The following SRC variants were observed in gnomAD, a reference collection of about 807,000 sequenced individuals.
SRC encodes the protein SRC proto-oncogene, non-receptor tyrosine kinase.
SRC carries 13 observed loss-of-function variants against 62.9 expected under a neutral mutation model. The observed-to-expected ratio is 0.21, with a 90% CI of 0.13 to 0.33. The LOEUF (loss-of-function observed/expected upper bound fraction) is 0.33. Ranked by LOEUF, SRC falls within the 10% of genes least tolerant of loss-of-function variation. The pLI is 1.00. For synonymous variants in SRC, 302 were observed against 317.5 expected (o/e 0.95, Z 0.52); for missense variants, 457 against 737.3 (o/e 0.62, Z 4.40).
At chr20:37,373,378 A>ATATATACG (rs2070220123) in intron 2 of SRC, among the ~76,000 whole-genome samples, 1 of 147,358 alleles carries the variant, frequency 6.8e-6, no homozygotes, top group Non-Finnish European at 1.5e-5. Flanking sequence ...ACATATATGT[A>ATATATACG]CATTATACAC....
Position 37,351,172 on chromosome 20 carries a change from TC to T in SRC, c.-247+4922del, listed in dbSNP as rs1164475274. Among the ~76,000 whole-genome samples the T allele has an allele frequency of 1.3e-5, 2 of 152,158 alleles. No homozygotes were observed. Among genetic ancestry groups the T allele is most frequent in the Non-Finnish European group, 2.9e-5 (2 of 68,032 alleles). On this transcript the variant is annotated intron_variant, in intron 1 of 13. Transcript: ENST00000373578. This position sits in a 1 kb window ranked among gnomAD's most constrained non-coding sequence, Gnocchi z 4.4. Reference sequence around the variant, plus strand: ...CTCTGGGTCCTTGGGCAAGTGACTTTCCCCCAACTTTGGTCCATTTGGTCCT... The same window carrying T: ...CTCTGGGTCCTTGGGCAAGTGACTTTCCCCAACTTTGGTCCATTTGGTCCT...
At chr20:37,361,096 C>T (rs1384287893) in intron 1 of SRC, among the ~76,000 whole-genome samples, 2 of 149,942 alleles carry the variant, frequency 1.3e-5, no homozygotes, top group Non-Finnish European at 3.0e-5. Context: ...CACTGTAGTT[C>T]ATGGTGGGGC....
chr20:37,403,147 C>G lies in SRC; in HGVS notation c.1403-24C>G. ...CCACTTTCCTCACCGGAGCCGGGCTCCCCATGCCTCGCTCTGCCCACAGGG... is the reference window on the plus strand; with the variant it reads ...CCACTTTCCTCACCGGAGCCGGGCTGCCCATGCCTCGCTCTGCCCACAGGG... On this transcript the variant is annotated intron_variant, in intron 13 of 13. Transcript: ENST00000373578. The surrounding 1 kb of genome is among the most constrained non-coding windows in gnomAD (Gnocchi z 7.1). 6.6e-7 allele frequency: 1 copy of G among 1,517,742 alleles called. No individual in the cohort carries two copies. The highest frequency in any genetic ancestry group is 2.5e-5 in the East Asian group (1 of 40,596). The allele number at this position is 1,517,742 out of a possible 1,614,324, so 94.0% of individuals were successfully genotyped here.
In SRC at chr20:37,402,282, G is replaced by T; in HGVS notation, c.1117-153G>T. On this transcript the variant is annotated intron_variant, in intron 11 of 13. Coordinates refer to ENST00000373578, the MANE Select transcript of SRC (RefSeq NM_198291.3). The surrounding 1 kb of genome is among the most constrained non-coding windows in gnomAD (Gnocchi z 6.2). ...GCAGAGCACTGCTCCTGCTTTCGAT[G>T]CCAACAGCATTTACTGTGAACTGAC... The T allele has an allele frequency of 1.1e-6, 1 of 885,494 alleles. No individual in the cohort carries two copies. The highest frequency in any genetic ancestry group is 1.7e-6 in the Non-Finnish European group (1 of 587,928). The allele number at this position is 885,494 out of a possible 1,614,324, so 54.9% of individuals were successfully genotyped here. A position where few individuals can be genotyped will look rare whatever the true frequency, so the allele number is the denominator to read the frequency against.
At chr20:37,382,220 T>C (rs1189304139) in intron 2 of SRC, among the ~76,000 whole-genome samples, 1 of 128,984 alleles carries the variant, frequency 7.8e-6, no homozygotes, top group East Asian at 2.1e-4. Flanking sequence ...CAATAACGGC[T>C]GAGGTGACCT....
intron 5 of SRC, among the ~76,000 whole-genome samples, chr20:37,386,910 G>T (rs1266671583): frequency 6.6e-6 from 1 of 152,248 alleles, no homozygotes; most frequent in Admixed American, 6.5e-5. Context: ...GCCCAGAGTC[G>T]GCTCCTGGAG....
At chr20:37,394,385 C>A in intron 7 of SRC, 108 bp downstream of exon 7, 1 of 929,688 alleles carries the variant, frequency 1.1e-6, no homozygotes, top group Non-Finnish European at 1.7e-6. Context: ...GAGGGAAGAA[C>A]CTTCCGGGTG....
At chr20:37,393,805 C>T (rs1601010131) in intron 5 of SRC, 90 bp from the exon 6 acceptor site, 6 of 977,376 alleles carry the variant, frequency 6.1e-6, no homozygotes, top group Non-Finnish European at 7.9e-6. Context: ...CCACTAGAGC[C>T]CTGAGCACAG....
At chr20:37,386,560 C>G (rs142510970) in intron 5 of SRC, 1 of 699,736 alleles carries the variant, frequency 1.4e-6, no homozygotes, top group African/African-American at 1.8e-5. Flanking sequence ...GCTTCCACTC[C>G]CTGCCTGTGA....
chr20:37,373,119 C>T (rs2070196645), intron 2 of SRC, among the ~76,000 whole-genome samples: 1 of 149,778 alleles, frequency 6.7e-6, no homozygotes, highest in African/African-American at 2.5e-5. Context: ...TGTACACACA[C>T]ATATGTACAT....
At chr20:37,352,718 C>T (rs1397015170) in intron 1 of SRC, among the ~76,000 whole-genome samples, 1 of 152,138 alleles carries the variant, frequency 6.6e-6, no homozygotes, top group East Asian at 1.9e-4. Flanking sequence ...GGGATGGGCT[C>T]GGGCTGCACA....
At chr20:37,383,963 T>C (rs1336022880) in intron 3 of SRC, among the ~76,000 whole-genome samples, 187 bp from the exon 4 acceptor site, 1 of 151,650 alleles carries the variant, frequency 6.6e-6, no homozygotes, top group Non-Finnish European at 1.5e-5. Flanking sequence ...CTCAAACTCC[T>C]GATCTCAAGT....
intron 5 of SRC, among the ~76,000 whole-genome samples, chr20:37,391,076 C>A: frequency 6.6e-6 from 1 of 152,200 alleles, no homozygotes; most frequent in East Asian, 1.9e-4. Flanking sequence ...CGCTCTTGGG[C>A]CCTGCTTGGC....
chr20:37,364,252 G>C (rs1409778627), intron 1 of SRC, among the ~76,000 whole-genome samples: 1 of 151,912 alleles, frequency 6.6e-6, no homozygotes, highest in Non-Finnish European at 1.5e-5. Context: ...TCCTGGTGCT[G>C]TGTCTTATGA....
At chr20:37,346,647 CCCTGCG>C (rs2069726273) in intron 1 of SRC, among the ~76,000 whole-genome samples, 1 of 151,190 alleles carries the variant, frequency 6.6e-6, no homozygotes, top group African/African-American at 2.4e-5. Context: ...GGCTGCCCGG[CCCTGCG>C]CCCCCCGGCC....
At chr20:37,382,385 C>T (rs2147040617) in intron 2 of SRC, among the ~76,000 whole-genome samples, 1 of 152,264 alleles carries the variant, frequency 6.6e-6, no homozygotes, top group South Asian at 2.1e-4. Context: ...GAGAGCCCAG[C>T]TCCAGAGCCC....
At position 37,402,279 on chromosome 20, in the gene SRC, G is replaced by A. The variant is rs112327100; in HGVS notation, c.1117-156G>A. 5.8e-3 allele frequency: 5,003 copies of A among 857,884 alleles called. 28 individuals are homozygous for A. Among genetic ancestry groups the A allele is most frequent in the Non-Finnish European group, 7.0e-3 (3,951 of 565,530 alleles). The allele number at this position is 857,884 out of a possible 1,614,324, so 53.1% of individuals were successfully genotyped here. A position where few individuals can be genotyped will look rare whatever the true frequency, so the allele number is the denominator to read the frequency against. Reference sequence around the variant, plus strand: ...CCCGCAGAGCACTGCTCCTGCTTTCGATGCCAACAGCATTTACTGTGAACT... The same window carrying A: ...CCCGCAGAGCACTGCTCCTGCTTTCAATGCCAACAGCATTTACTGTGAACT... On this transcript the variant is annotated intron_variant, in intron 11 of 13. Coordinates refer to ENST00000373578, the MANE Select transcript of SRC (RefSeq NM_198291.3). This position sits in a 1 kb window ranked among gnomAD's most constrained non-coding sequence, Gnocchi z 6.2.
At chr20:37,401,797 A>AAGG in intron 11 of SRC, 119 bp downstream of exon 11, 1 of 644,232 alleles carries the variant, frequency 1.6e-6, no homozygotes, top group Non-Finnish European at 2.6e-6. Context: ...GATTGCCTCC[A>AAGG]CACTCACTGA....
intron 5 of SRC, among the ~76,000 whole-genome samples, chr20:37,387,687 G>A (rs1012828289): frequency 5.9e-5 from 9 of 152,238 alleles, no homozygotes; most frequent in Non-Finnish European, 1.0e-4. Context: ...CTGCTGGAGG[G>A]TGGCTCTCTG....
Sources: gnomAD v4.1 joint callset for allele counts (sites outside exome capture counted in the v4.1 genomes callset) on GRCh38, gnomAD v4.1.1 for gene constraint, Gnocchi (gnomAD v3.1) non-coding constraint, MANE v1.5 for transcripts, NCBI Gene and HGNC (gene_info 2026-07-23, HGNC 2026-07-21) for gene names.